Variants in FOXP2 observed in about 807,000 individuals in gnomAD.
FOXP2 encodes forkhead box protein P2.
FOXP2 carries 12 observed loss-of-function variants against 115.8 expected under a neutral mutation model. That is an observed-to-expected ratio of 0.10 (90% CI 0.07 to 0.17). The LOEUF (loss-of-function observed/expected upper bound fraction) is 0.17. Ranked by LOEUF, FOXP2 falls within the 10% of genes least tolerant of loss-of-function variation. The pLI, the probability that FOXP2 is intolerant of heterozygous loss-of-function variation, is 1.00. For missense variants in FOXP2, 629 were observed against 843.5 expected, an observed-to-expected ratio of 0.75 and a Z score of 3.15; for synonymous variants, 328 against 297.7, an observed-to-expected ratio of 1.10 and a Z score of -1.05.
At chr7:114,273,970 T>C (rs1442809662) in intron 1 of FOXP2, among the ~76,000 whole-genome samples, 1 of 152,108 alleles carries the variant, frequency 6.6e-6, no homozygotes, top group African/African-American at 2.4e-5. Context: ...ATTACAGTTT[T>C]CTATTTGTTG....
At chr7:114,186,738 C>T (rs1793616593) in intron 1 of FOXP2, among the ~76,000 whole-genome samples, 1 of 152,162 alleles carries the variant, frequency 6.6e-6, no homozygotes, top group African/African-American at 2.4e-5. Context: ...CTTTTAATAT[C>T]TAGGTGGAGG....
At chr7:114,118,926 A>G (rs886332671) in intron 1 of FOXP2, among the ~76,000 whole-genome samples, 1 of 152,154 alleles carries the variant, frequency 6.6e-6, no homozygotes. Flanking sequence ...TGACTCATAT[A>G]CAAAGGTTGG....
intron 16 of FOXP2, among the ~76,000 whole-genome samples, chr7:114,681,367 A>G (rs1175387768): frequency 6.6e-6 from 1 of 152,152 alleles, no homozygotes; most frequent in Non-Finnish European, 1.5e-5. Flanking sequence ...ATATTGCTAC[A>G]TCTCTTAACA....
chr7:114,528,525 A>G (rs951617467), intron 2 of FOXP2, among the ~76,000 whole-genome samples: 1 of 152,038 alleles, frequency 6.6e-6, no homozygotes, highest in African/African-American at 2.4e-5. Context: ...TTTAAGGACA[A>G]ACACTTTTAT....
chr7:114,561,184 A>C (rs1027063490), intron 3 of FOXP2: 1 of 152,238 alleles, frequency 6.6e-6, no homozygotes, highest in African/African-American at 2.4e-5. Context: ...CCAAAGAAAA[A>C]AATGGTGCTA....
At chr7:114,371,073 C>T (rs2129189421) in intron 2 of FOXP2, among the ~76,000 whole-genome samples, 1 of 152,164 alleles carries the variant, frequency 6.6e-6, no homozygotes, top group Non-Finnish European at 1.5e-5. Flanking sequence ...TATTCCTTAT[C>T]TCAAATAGGA....
intron 1 of FOXP2, among the ~76,000 whole-genome samples, chr7:114,089,364 G>A (rs556846576): frequency 2.6e-5 from 4 of 152,054 alleles, no homozygotes; most frequent in East Asian, 1.9e-4. Flanking sequence ...TTAAATATAA[G>A]TACAATGAAT....
chr7:114,257,358 C>G (rs748626969), intron 1 of FOXP2, among the ~76,000 whole-genome samples: 10 of 151,892 alleles, frequency 6.6e-5, no homozygotes, highest in Non-Finnish European at 1.2e-4. Flanking sequence ...AAAATCTAGG[C>G]AATACCATTT....
At chr7:114,507,704 A>G (rs1023208316) in intron 2 of FOXP2, among the ~76,000 whole-genome samples, 4 of 151,936 alleles carry the variant, frequency 2.6e-5, no homozygotes, top group African/African-American at 7.2e-5. Flanking sequence ...AATAAGGGGA[A>G]GGCCACAGGG....
chr7:114,576,535 C>T (rs1269326314), intron 3 of FOXP2, among the ~76,000 whole-genome samples: 2 of 151,822 alleles, frequency 1.3e-5, no homozygotes, highest in African/African-American at 4.8e-5. Context: ...ATTAGTGTGG[C>T]AGAAATTGGG....
intron 16 of FOXP2, among the ~76,000 whole-genome samples, chr7:114,677,961 C>G (rs915022742): frequency 3.9e-5 from 6 of 152,108 alleles, no homozygotes; most frequent in Non-Finnish European, 7.3e-5. Flanking sequence ...AGGTAAAACT[C>G]TAATAGAGGG....
At chr7:114,516,057 T>G (rs1798326504) in intron 2 of FOXP2, among the ~76,000 whole-genome samples, 1 of 152,136 alleles carries the variant, frequency 6.6e-6, no homozygotes. Flanking sequence ...TGGAAAAAAC[T>G]ACTTTAAAGT....
chr7:114,215,386 T>G (rs1794460071), intron 1 of FOXP2, among the ~76,000 whole-genome samples: 1 of 152,170 alleles, frequency 6.6e-6, no homozygotes, highest in Admixed American at 6.5e-5. Flanking sequence ...ACATGATTTT[T>G]TATGGTTTCA....
chr7:114,456,608 A>G (rs993366046), intron 2 of FOXP2, among the ~76,000 whole-genome samples: 1 of 152,228 alleles, frequency 6.6e-6, no homozygotes, highest in African/African-American at 2.4e-5. Context: ...ATTTAAATAG[A>G]CTACCTCTAA....
At chr7:114,579,085 G>C (rs1801712262) in intron 3 of FOXP2, among the ~76,000 whole-genome samples, 1 of 152,126 alleles carries the variant, frequency 6.6e-6, no homozygotes, top group Admixed American at 6.6e-5. Flanking sequence ...ACCAAAATCT[G>C]AGGGTTTCCC....
intron 1 of FOXP2, among the ~76,000 whole-genome samples, chr7:114,106,132 C>T (rs893364289): frequency 1.3e-5 from 2 of 152,060 alleles, no homozygotes; most frequent in Non-Finnish European, 2.9e-5. Context: ...AAATTCTAGG[C>T]GCAGCTACAT....
At chr7:114,303,304 AG>A (rs973605743) in intron 2 of FOXP2, among the ~76,000 whole-genome samples, 4 of 152,228 alleles carry the variant, frequency 2.6e-5, no homozygotes, top group Non-Finnish European at 2.9e-5. Flanking sequence ...ATACAAAAAA[AG>A]GTATGATTGA....
intron 1 of FOXP2, among the ~76,000 whole-genome samples, chr7:114,279,594 T>G (rs1199946189): frequency 2.6e-5 from 4 of 152,192 alleles, no homozygotes; most frequent in Admixed American, 1.3e-4. Flanking sequence ...TTCATCCATA[T>G]TAATGCATAC....
chr7:114,472,348 T>A (rs367590964), intron 2 of FOXP2, among the ~76,000 whole-genome samples: 1 of 150,298 alleles, frequency 6.7e-6, no homozygotes, highest in East Asian at 1.9e-4. Flanking sequence ...ATAAATTCTT[T>A]TTTTTTTTTT....
Sources: gnomAD v4.1 joint callset for allele counts (sites outside exome capture counted in the v4.1 genomes callset) on GRCh38, gnomAD v4.1.1 for gene constraint, MANE v1.5 for transcripts, NCBI Gene and HGNC (gene_info 2026-07-23, HGNC 2026-07-21) for gene names.